SORCS2: variants seen among roughly 807,000 people sequenced by gnomAD.
SORCS2 encodes the protein VPS10 domain-containing receptor SorCS2.
In SORCS2, 100 loss-of-function variants were observed where a neutral mutation model predicts 141.6. The observed-to-expected ratio is 0.71, with a 90% confidence interval of 0.60 to 0.83. SORCS2 has a LOEUF of 0.83. Among genes scored for constraint, SORCS2 ranks in the 40% least tolerant of loss-of-function variants. The pLI, the probability that SORCS2 is intolerant of heterozygous loss-of-function variation, is 0.00. For synonymous variants in SORCS2, 789 were observed against 676.9 expected (o/e 1.17, Z -2.57); for missense variants, 1,646 against 1,560.2 (o/e 1.05, Z -0.93).
chr4:7,285,562 C>G (rs575999585), intron 1 of SORCS2, among the ~76,000 whole-genome samples: 94 of 152,358 alleles, frequency 6.2e-4, no homozygotes, highest in African/African-American at 2.2e-3. Flanking sequence ...AAGACATGGC[C>G]TCTGCCAGCC....
chr4:7,397,102 G>A (rs1724264287), intron 2 of SORCS2, among the ~76,000 whole-genome samples: 1 of 152,140 alleles, frequency 6.6e-6, no homozygotes, highest in Admixed American at 6.5e-5. Flanking sequence ...TCCAACATAT[G>A]TTTCTCAAGT....
At chr4:7,295,938 C>T (rs1187276616) in intron 1 of SORCS2, among the ~76,000 whole-genome samples, 2 of 152,202 alleles carry the variant, frequency 1.3e-5, no homozygotes, top group African/African-American at 4.8e-5. Context: ...ATGGAGAAGC[C>T]TGTTGCAGGG....
chr4:7,711,346 C>T (rs994400450), intron 14 of SORCS2, among the ~76,000 whole-genome samples: 3 of 152,228 alleles, frequency 2.0e-5, no homozygotes, highest in African/African-American at 4.8e-5. Context: ...AAACCTCTTT[C>T]AACACCTCCC....
At chr4:7,556,954 C>G (rs531565362) in intron 3 of SORCS2, among the ~76,000 whole-genome samples, 1 of 148,030 alleles carries the variant, frequency 6.8e-6, no homozygotes, top group African/African-American at 2.5e-5. Flanking sequence ...CACTCACTCA[C>G]ATATCCATTC....
chr4:7,495,534 G>A (rs1026530582), intron 2 of SORCS2, among the ~76,000 whole-genome samples: 2 of 152,240 alleles, frequency 1.3e-5, no homozygotes, highest in Non-Finnish European at 1.5e-5. Context: ...CACTGGTGGC[G>A]ATTTTCTCCT....
chr4:7,712,674 A>T, intron 14 of SORCS2, 59 bp from the exon 15 acceptor site: 1 of 1,609,040 alleles, frequency 6.2e-7, no homozygotes, highest in Non-Finnish European at 8.5e-7. Context: ...TGATTTGCAC[A>T]GTAGGACAAG....
chr4:7,325,567 C>A (rs985737715), intron 1 of SORCS2, among the ~76,000 whole-genome samples: 8 of 152,202 alleles, frequency 5.3e-5, no homozygotes, highest in African/African-American at 1.9e-4. Context: ...GGGCTGGGGG[C>A]AGCTCCGTGG....
chr4:7,518,387 C>T (rs557171061), intron 2 of SORCS2, among the ~76,000 whole-genome samples: 76 of 152,244 alleles, frequency 5.0e-4, no homozygotes, highest in African/African-American at 1.7e-3. Context: ...TCCATCAGCC[C>T]GTCCCACTTC....
chr4:7,643,693 C>T lies in SORCS2; in HGVS notation c.813+5201C>T, dbSNP rs532449934. 3.9e-5 allele frequency among the ~76,000 whole-genome samples: 6 copies of T among 152,232 alleles called. No homozygotes were observed. In the East Asian group the frequency reaches 1.2e-3, roughly 29 times the overall value. On this transcript the variant is annotated intron_variant, in intron 4 of 26. Coordinates refer to ENST00000507866, the MANE Select transcript of SORCS2 (RefSeq NM_020777.3). Reference sequence around the variant, plus strand: ...AAGAAAAAGAAAAACCCTCACAGTCCCCCAGCCTTAAGTAAAGCAGTGTTT... The same window carrying T: ...AAGAAAAAGAAAAACCCTCACAGTCTCCCAGCCTTAAGTAAAGCAGTGTTT...
intron 1 of SORCS2, among the ~76,000 whole-genome samples, chr4:7,349,004 C>G (rs955587665): frequency 1.3e-5 from 2 of 152,216 alleles, no homozygotes; most frequent in South Asian, 2.1e-4. Flanking sequence ...GACACCCCTT[C>G]CCCCCTCTGG....
chr4:7,692,193 C>T (rs960909015), intron 11 of SORCS2, among the ~76,000 whole-genome samples: 3 of 152,328 alleles, frequency 2.0e-5, no homozygotes, highest in Admixed American at 6.5e-5. Context: ...GGCTTCACAT[C>T]TGCTGGCCCG....
At chr4:7,497,262 T>C (rs900418165) in intron 2 of SORCS2, among the ~76,000 whole-genome samples, 3 of 152,226 alleles carry the variant, frequency 2.0e-5, no homozygotes, top group Non-Finnish European at 4.4e-5. Context: ...CCTCTTACCA[T>C]GTCTGGGCCT....
chr4:7,338,374 ATGGATGTCGGTTGGATGGATGGATGGT>A (rs1720149126), intron 1 of SORCS2, among the ~76,000 whole-genome samples: 1 of 148,132 alleles, frequency 6.8e-6, no homozygotes, highest in Non-Finnish European at 1.5e-5. Context: ...GGATGGATGG[ATGGATGTCGGTTGGATGGATGGATGGT>A]TGGATGTCGG....
chr4:7,435,720 T>G (rs535284486), intron 2 of SORCS2, among the ~76,000 whole-genome samples: 11 of 152,386 alleles, frequency 7.2e-5, no homozygotes, highest in African/African-American at 2.6e-4. Flanking sequence ...ATCTTTTTCT[T>G]CTTCCTTAGT....
intron 1 of SORCS2, among the ~76,000 whole-genome samples, chr4:7,268,549 G>A (rs573187139): frequency 3.3e-5 from 5 of 152,324 alleles, no homozygotes; most frequent in Admixed American, 6.5e-5. Context: ...TGTTATTAGT[G>A]GTAACTGCAA....
chr4:7,668,112 G>T lies in SORCS2; in HGVS notation c.1161+899G>T, dbSNP rs866768501. Among the ~76,000 whole-genome samples the T allele has an allele frequency of 3.9e-5, 6 of 152,318 alleles. No homozygotes were observed. The Middle Eastern group carries it at 0.014, about 348-fold the overall frequency. ...ACCAGAATGTGTGCTAGGAGGCCAT[G>T]CTGTGAATCAGAAGCCCCAGGTTCC... On this transcript the variant is annotated intron_variant, in intron 8 of 26. Transcript: ENST00000507866.
At chr4:7,637,124 C>T (rs1720306658) in intron 3 of SORCS2, among the ~76,000 whole-genome samples, 1 of 152,208 alleles carries the variant, frequency 6.6e-6, no homozygotes, top group South Asian at 2.1e-4. Flanking sequence ...GATGCTTAGC[C>T]ACGTCTCCAA....
At chr4:7,243,416 A>G (rs1040695242) in intron 1 of SORCS2, among the ~76,000 whole-genome samples, 4 of 152,074 alleles carry the variant, frequency 2.6e-5, no homozygotes, top group African/African-American at 9.7e-5. Flanking sequence ...TTGCTAGGGG[A>G]ACTCCCAGGC....
chr4:7,642,832 C>G (rs1720833656), intron 4 of SORCS2, among the ~76,000 whole-genome samples: 1 of 152,170 alleles, frequency 6.6e-6, no homozygotes, highest in Non-Finnish European at 1.5e-5. Flanking sequence ...TGAGAGCACA[C>G]TATTCTCATG....
Sources: gnomAD v4.1 joint callset for allele counts (sites outside exome capture counted in the v4.1 genomes callset) on GRCh38, gnomAD v4.1.1 for gene constraint, MANE v1.5 for transcripts, NCBI Gene and HGNC (gene_info 2026-07-23, HGNC 2026-07-21) for gene names.